CFAP100: variants seen among roughly 807,000 people sequenced by gnomAD.
CFAP100 encodes cilia- and flagella-associated protein 100.
CFAP100 carries 70 observed loss-of-function variants against 81.5 expected under a neutral mutation model. That is an observed-to-expected ratio of 0.86 (90% CI 0.71 to 1.05). The LOEUF is 1.05. Ranked by LOEUF, CFAP100 falls within the 50% of genes least tolerant of loss-of-function variation. CFAP100 has a pLI of 0.00. For missense variants in CFAP100, 811 were observed against 776.5 expected (o/e 1.04, Z -0.53); for synonymous variants, 341 against 314.8 (o/e 1.08, Z -0.88).
At chr3:126,404,634 T>C (rs1441420738) in intron 2 of CFAP100, among the ~76,000 whole-genome samples, 1 of 152,106 alleles carries the variant, frequency 6.6e-6, no homozygotes. Context: ...GAAGTGGGAG[T>C]TCTGGTGTCC....
chr3:126,414,123 T>C lies in CFAP100; in HGVS notation c.169T>C (p.Ser57Pro). 6.2e-7 allele frequency: 1 copy of C among 1,614,080 alleles called. No individual in the cohort carries two copies. Residue 57 changes from serine to proline, a missense_variant, in exon 4 of 17, where the codon TCT becomes CCT. Transcript: ENST00000352312. ...PDPSANPFHL[S>P]GDVDFFLLRD... ...CCCTTCAGCGAACCCTTTCCACTTA[T>C]CTGGGGATGTGGATTTCTTCTTGCT...
chr3:126,415,555 T>G (rs2083222536), intron 4 of CFAP100, among the ~76,000 whole-genome samples: 1 of 152,114 alleles, frequency 6.6e-6, no homozygotes, highest in South Asian at 2.1e-4. Flanking sequence ...GGACGTGCAT[T>G]CCAGGGGCCT....
intron 1 of CFAP100, among the ~76,000 whole-genome samples, chr3:126,395,678 G>A (rs750056443): frequency 2.0e-4 from 30 of 152,160 alleles, no homozygotes; most frequent in Non-Finnish European, 4.0e-4. Context: ...CCCCCAGCTG[G>A]GTATGGGAGA....
chr3:126,419,645 C>T lies in CFAP100; in HGVS notation c.740C>T (p.Ser247Phe), dbSNP rs763039970. 4 of 1,613,510 alleles carry T rather than the reference C, an allele frequency of 2.5e-6. No individual in the cohort carries two copies. The Admixed American group carries it at 5.0e-5, about 20-fold the overall frequency. ...ACCCCGCCCCGGTGTAGTGAGATCT[C>T]CAGATTTGAAGACACTCTGAAGCAT... ...TQIVNIKSEI[S>F]RFEDTLKHYK... The change falls in exon 9 of 17, where the codon TCC becomes TTC. Residue 247 changes from serine (S) to phenylalanine (F), a missense_variant. Physicochemically the swap from Ser to Phe is radical, Grantham distance 155 (BLOSUM62 -2). Transcript: ENST00000352312.
In CFAP100 at chr3:126,436,520, T is replaced by C; in HGVS notation, c.*116T>C. On this transcript the variant is annotated 3_prime_UTR_variant, in exon 17 of 17. Coordinates refer to ENST00000352312, the MANE Select transcript of CFAP100 (RefSeq NM_182628.3). The stretch of plus-strand genomic sequence containing the variant: ...TGAGTCCTCTCTGTCTCCTGTGTGC[T>C]CCCTTCCTCACCTGAATAAATTCAT... 1 of 705,698 alleles carries C rather than the reference T, an allele frequency of 1.4e-6. No homozygotes were observed. The highest frequency in any genetic ancestry group is 2.5e-6 in the Non-Finnish European group (1 of 398,480). The allele number at this position is 705,698 out of a possible 1,614,324, so 43.7% of individuals were successfully genotyped here. A position where few individuals can be genotyped will look rare whatever the true frequency, so the allele number is the denominator to read the frequency against.
chr3:126,435,004 G>A lies in CFAP100; in HGVS notation c.1629-555G>A, dbSNP rs75543933. ...GGGGTTGTGGCTTCCCTGGCCTGTG[G>A]GCAGCCCGGTTCATCCACCCCGTGC... On this transcript the variant is annotated intron_variant, in intron 15 of 16. Transcript: ENST00000352312. 5.2e-3 allele frequency among the ~76,000 whole-genome samples: 789 copies of A among 152,228 alleles called. 5 individuals carry two copies. The highest frequency in any genetic ancestry group is 0.018 in the African/African-American group (732 of 41,522).
chr3:126,412,044 C>G (rs1392756980), intron 3 of CFAP100, among the ~76,000 whole-genome samples: 1 of 152,184 alleles, frequency 6.6e-6, no homozygotes, highest in Non-Finnish European at 1.5e-5. Flanking sequence ...GCATTTAACA[C>G]TATGAACTTT....
At chr3:126,414,269 C>G (rs766584765) in intron 4 of CFAP100, 90 bp downstream of exon 4, 9 of 882,698 alleles carry the variant, frequency 1.0e-5, no homozygotes, top group Non-Finnish European at 1.6e-5. Flanking sequence ...CTCAGAGGAG[C>G]ACTTTCCTCA....
chr3:126,414,177 T>C lies in CFAP100; in HGVS notation c.223T>C (p.Ser75Pro). 1 of 1,610,488 alleles carries C rather than the reference T, an allele frequency of 6.2e-7. No individual in the cohort carries two copies. The change falls in exon 4 of 17, where the codon TCC (serine) becomes CCC (proline). Residue 75 changes from serine (S) to proline (P), a missense_variant and splice_region_variant. By Grantham distance (74) the Ser-to-Pro change is moderately conservative (BLOSUM62 -1). Coordinates refer to ENST00000352312, the MANE Select transcript of CFAP100 (RefSeq NM_182628.3). ...AGATCAGGAGCGGAATAAGGCTCTCTCCGTGAGTATCCAGGACAGACGCCA... is the reference window on the plus strand; with the variant it reads ...AGATCAGGAGCGGAATAAGGCTCTCCCCGTGAGTATCCAGGACAGACGCCA... ...LRDQERNKAL[S>P]ERQQQKTMRV...
chr3:126,416,925 C>T (rs751808031), intron 5 of CFAP100: 1 of 154,402 alleles, frequency 6.5e-6, no homozygotes, highest in Non-Finnish European at 1.4e-5. Context: ...ATAAATAAAA[C>T]AACTTCATCA....
chr3:126,416,618 CT>C, intron 5 of CFAP100, 110 bp downstream of exon 5: 1 of 941,240 alleles, frequency 1.1e-6, no homozygotes. Context: ...ATGGGAAGTG[CT>C]TTTCAAGTGC....
chr3:126,408,578 C>T (rs761170187), intron 3 of CFAP100, among the ~76,000 whole-genome samples: 3 of 152,158 alleles, frequency 2.0e-5, no homozygotes, highest in Non-Finnish European at 2.9e-5. Flanking sequence ...GACTGCTTCT[C>T]TGTGCCCATC....
intron 2 of CFAP100, among the ~76,000 whole-genome samples, chr3:126,399,282 C>G (rs1349283726): frequency 6.6e-6 from 1 of 152,216 alleles, no homozygotes; most frequent in East Asian, 1.9e-4. Flanking sequence ...TGGAACATCA[C>G]AGGCCTCAGT....
At chr3:126,431,359 C>T (rs1298166484) in intron 13 of CFAP100, among the ~76,000 whole-genome samples, 1 of 152,180 alleles carries the variant, frequency 6.6e-6, no homozygotes, top group Non-Finnish European at 1.5e-5. Flanking sequence ...GGGAAATACC[C>T]CAAAATGAAT....
In CFAP100 at chr3:126,395,940, A is replaced by C; in HGVS notation, c.-59-2A>C. ...AGGCTCAAGCACTGTGTCACTCCTC[A>C]GGTGAGGATCTCCTTTAGAAGAGGA... On this transcript the variant is annotated splice_acceptor_variant, in intron 1 of 16. Transcript: ENST00000352312. LOFTEE classifies it low-confidence loss of function (5UTR_SPLICE). 1 of 1,414,362 alleles carries C rather than the reference A, an allele frequency of 7.1e-7. No individual in the cohort carries two copies. The highest frequency in any genetic ancestry group is 1.0e-6 in the Non-Finnish European group (1 of 999,422). 87.6% of individuals were successfully genotyped at this position (1,414,362 alleles called of 1,614,324 possible).
At position 126,435,632 on chromosome 3, in the gene CFAP100, C is replaced by G; in HGVS notation, c.1702C>G (p.Gln568Glu). ...TCTGCAGCGGGCCCGGGCGCGCGCC[C>G]AGGCTGAGATCAAGAAGAAGGTAGG... ...EHLQRARARA[Q>E]AEIKKKRGRT... The change falls in exon 16 of 17, where the codon CAG (glutamine) becomes GAG (glutamate). Residue 568 changes from glutamine to glutamate, a missense_variant. Physicochemically the swap from Gln to Glu is conservative, Grantham distance 29. Coordinates refer to ENST00000352312, the MANE Select transcript of CFAP100 (RefSeq NM_182628.3). The G allele has an allele frequency of 6.2e-7, 1 of 1,611,860 alleles. No individual in the cohort carries two copies.
intron 11 of CFAP100, 23 bp from the exon 12 acceptor site, chr3:126,423,302 C>G (rs1209597673): frequency 6.2e-7 from 1 of 1,605,784 alleles, no homozygotes; most frequent in East Asian, 2.2e-5. Flanking sequence ...TCCCAGAGTC[C>G]CGACCCTGCC....
Position 126,416,512 on chromosome 3 carries a change from C to G in CFAP100, c.418+4C>G. 1 of 1,566,778 alleles carries G rather than the reference C, an allele frequency of 6.4e-7. No individual in the cohort carries two copies. Among genetic ancestry groups the G allele is most frequent in the Non-Finnish European group, 8.7e-7 (1 of 1,154,468 alleles). Reference sequence around the variant, plus strand: ...TGGAAGCTCACCTTGACCAAAGGTGCGTCCCCTCCGGCGCGGGGGGACCTG... The same window carrying G: ...TGGAAGCTCACCTTGACCAAAGGTGGGTCCCCTCCGGCGCGGGGGGACCTG... On this transcript the variant is annotated splice_donor_region_variant and intron_variant, in intron 5 of 16. Transcript: ENST00000352312.
chr3:126,436,087 C>G (rs1432756446), intron 16 of CFAP100, among the ~76,000 whole-genome samples: 1 of 152,236 alleles, frequency 6.6e-6, no homozygotes, highest in Non-Finnish European at 1.5e-5. Flanking sequence ...ATAGGTGGTG[C>G]TCCAGAGACC....
Sources: allele counts gnomAD v4.1 joint callset (sites outside exome capture counted in the v4.1 genomes callset), GRCh38; gene constraint gnomAD v4.1.1; transcripts MANE v1.5; gene names NCBI Gene and HGNC (gene_info 2026-07-23, HGNC 2026-07-21).